Variants in CDH13 observed in about 807,000 individuals in gnomAD.
CDH13 encodes the protein cadherin 13.
Under a neutral mutation model 63.8 loss-of-function variants are expected in CDH13, and 24 were observed. The ratio of observed to expected loss-of-function variants is 0.38; its 90% confidence interval spans 0.27 to 0.53. CDH13 has a LOEUF of 0.53. Ranked by LOEUF, CDH13 falls within the 20% of genes least tolerant of loss-of-function variation. CDH13 has a pLI of 0.85. For synonymous variants in CDH13, 503 were observed against 355.3 expected (o/e 1.42, Z -4.67); for missense variants, 1,049 against 903.1 (o/e 1.16, Z -2.07).
At chr16:82,659,944 G>A (rs1469468453) in intron 1 of CDH13, among the ~76,000 whole-genome samples, 3 of 152,130 alleles carry the variant, frequency 2.0e-5, no homozygotes, top group African/African-American at 4.8e-5. Context: ...GAGGGAAAGG[G>A]GGGAAAGTGA....
chr16:82,866,314 C>T (rs112722438), intron 2 of CDH13, among the ~76,000 whole-genome samples: 18,081 of 150,760 alleles, frequency 0.12, 1,138 homozygotes, highest in Admixed American at 0.19. Context: ...ATCCTTATAG[C>T]AGCACCCCAC....
chr16:83,224,788 T>A (rs770295304), intron 5 of CDH13, among the ~76,000 whole-genome samples: 7 of 152,234 alleles, frequency 4.6e-5, no homozygotes, highest in Non-Finnish European at 1.5e-5. Context: ...GATTACAGTA[T>A]CATCTCCTAA....
intron 1 of CDH13, among the ~76,000 whole-genome samples, chr16:82,733,048 C>T (rs946414564): frequency 6.6e-6 from 1 of 152,204 alleles, no homozygotes; most frequent in Non-Finnish European, 1.5e-5. Context: ...GTTTATTCCA[C>T]AGGCATACTC....
chr16:82,804,724 A>C (rs12051540), intron 1 of CDH13, among the ~76,000 whole-genome samples: 38,935 of 152,074 alleles, frequency 0.26, 5,888 homozygotes, highest in South Asian at 0.4. Context: ...AACTTCATGA[A>C]TGAAAACACT....
intron 4 of CDH13, among the ~76,000 whole-genome samples, chr16:83,150,358 C>G (rs566539926): frequency 4.6e-5 from 7 of 152,236 alleles, no homozygotes; most frequent in Non-Finnish European, 4.4e-5. Flanking sequence ...TCTATATCTC[C>G]CTATCCCTAC....
At chr16:82,650,658 C>T (rs951451795) in intron 1 of CDH13, among the ~76,000 whole-genome samples, 1 of 152,200 alleles carries the variant, frequency 6.6e-6, no homozygotes, top group Non-Finnish European at 1.5e-5. Context: ...CCCCCTACCT[C>T]TCTAGCCTTG....
chr16:82,839,930 T>C (rs1007760135), intron 1 of CDH13, among the ~76,000 whole-genome samples: 3 of 152,188 alleles, frequency 2.0e-5, no homozygotes, highest in African/African-American at 7.2e-5. Flanking sequence ...AAATATTACA[T>C]TAATCCAGCT....
intron 6 of CDH13, among the ~76,000 whole-genome samples, chr16:83,418,786 A>T (rs932819745): frequency 3.3e-5 from 5 of 152,148 alleles, no homozygotes; most frequent in African/African-American, 1.2e-4. Context: ...AGCAGGAAAG[A>T]CAGGAGAAGA....
chr16:83,150,836 C>G (rs187459902), intron 4 of CDH13, among the ~76,000 whole-genome samples: 1 of 152,188 alleles, frequency 6.6e-6, no homozygotes, highest in Non-Finnish European at 1.5e-5. Flanking sequence ...GGTGAACAAC[C>G]TGCATGACTG....
chr16:82,959,674 G>T (rs2151338247), intron 2 of CDH13, among the ~76,000 whole-genome samples: 1 of 152,322 alleles, frequency 6.6e-6, no homozygotes, highest in African/African-American at 2.4e-5. Context: ...TTTAAGGTCA[G>T]CTGATTAACA....
At chr16:82,967,438 G>A (rs771918096) in intron 2 of CDH13, among the ~76,000 whole-genome samples, 12 of 152,064 alleles carry the variant, frequency 7.9e-5, no homozygotes, top group Non-Finnish European at 1.5e-4. Context: ...TCGTATTTGC[G>A]CCCGCTGAAT....
At chr16:83,240,556 G>C (rs942032797) in intron 5 of CDH13, among the ~76,000 whole-genome samples, 2 of 152,000 alleles carry the variant, frequency 1.3e-5, no homozygotes, top group East Asian at 3.9e-4. Flanking sequence ...TGGATTTGCA[G>C]TATGTCTTGA....
chr16:82,998,360 C>T (rs920775551), intron 2 of CDH13, among the ~76,000 whole-genome samples: 1 of 152,204 alleles, frequency 6.6e-6, no homozygotes, highest in Admixed American at 6.5e-5. Context: ...GCATTTCCAA[C>T]TTTCATAAAT....
At chr16:82,732,408 C>G (rs774765708) in intron 1 of CDH13, among the ~76,000 whole-genome samples, 10 of 152,118 alleles carry the variant, frequency 6.6e-5, no homozygotes, top group Non-Finnish European at 1.5e-4. Context: ...TTTTGAGGCC[C>G]CAGTAGTTGC....
intron 2 of CDH13, among the ~76,000 whole-genome samples, chr16:83,017,759 T>C (rs1038115075): frequency 6.6e-6 from 1 of 152,182 alleles, no homozygotes; most frequent in Non-Finnish European, 1.5e-5. Context: ...AAACAATTCA[T>C]GTAATCCCCA....
At chr16:83,074,684 C>G (rs563033049) in intron 3 of CDH13, among the ~76,000 whole-genome samples, 2 of 152,306 alleles carry the variant, frequency 1.3e-5, no homozygotes, top group African/African-American at 2.4e-5. Context: ...TGACTGATTT[C>G]TATGAACAGG....
At chr16:83,291,030 G>C (rs2089453385) in intron 5 of CDH13, among the ~76,000 whole-genome samples, 1 of 152,082 alleles carries the variant, frequency 6.6e-6, no homozygotes, top group South Asian at 2.1e-4. Flanking sequence ...GCAGACCTTT[G>C]TTAAAGGTCT....
intron 3 of CDH13, among the ~76,000 whole-genome samples, chr16:83,094,207 G>A (rs888556741): frequency 7.2e-5 from 11 of 152,168 alleles, no homozygotes; most frequent in Non-Finnish European, 1.0e-4. Flanking sequence ...AACAACGCCT[G>A]GTCTGTGCTG....
At chr16:82,892,543 G>C (rs913975660) in intron 2 of CDH13, among the ~76,000 whole-genome samples, 1 of 152,078 alleles carries the variant, frequency 6.6e-6, no homozygotes, top group East Asian at 1.9e-4. Flanking sequence ...CATGTCACTA[G>C]ATGTGTACTT....
Sources: allele counts gnomAD v4.1 joint callset (sites outside exome capture counted in the v4.1 genomes callset), GRCh38; gene constraint gnomAD v4.1.1; transcripts MANE v1.5; gene names NCBI Gene and HGNC (gene_info 2026-07-23, HGNC 2026-07-21).